TELO2: variants seen among roughly 807,000 people sequenced by gnomAD.
TELO2 encodes telomere length regulation protein TEL2 homolog.
TELO2 carries 71 observed loss-of-function variants against 91.0 expected under a neutral mutation model. That is an observed-to-expected ratio of 0.78 (90% CI 0.64 to 0.95). The LOEUF (loss-of-function observed/expected upper bound fraction) is 0.95, where lower values mean the gene tolerates loss of function less well. TELO2 is among the 40% of genes least tolerant of loss of function. The pLI is 0.00. For synonymous variants in TELO2, 584 were observed against 518.9 expected, an observed-to-expected ratio of 1.13 and a Z score of -1.71; for missense variants, 1,183 against 1,141.3, an observed-to-expected ratio of 1.04 and a Z score of -0.53.
chr16:1,506,061 C>A (rs907854478), intron 16 of TELO2, among the ~76,000 whole-genome samples, 177 bp from the exon 17 acceptor site: 1 of 152,200 alleles, frequency 6.6e-6, no homozygotes, highest in South Asian at 2.1e-4. Context: ...GGCCGCGGAG[C>A]CTGAGTCCCG....
Position 1,495,501 on chromosome 16 carries a change from C to T in TELO2, c.491C>T (p.Pro164Leu), listed in dbSNP as rs553962493. 6.2e-7 allele frequency: 1 copy of T among 1,611,100 alleles called. No individual in the cohort carries two copies. The highest frequency in any genetic ancestry group is 8.5e-7 in the Non-Finnish European group (1 of 1,179,838). Reference protein sequence around the residue: ...ETLLGKVVALPDHLGNRLQQE... With the variant: ...ETLLGKVVALLDHLGNRLQQE... ...CTGCTGGGCAAGGTGGTGGCCCTGC[C>T]CGATCACCTGGGCAACCGCCTGCAG... Residue 164 changes from proline to leucine, a missense_variant, in exon 3 of 21, where the codon CCC (proline) becomes CTC (leucine). Pro to Leu is a moderately conservative substitution (Grantham distance 98). Transcript: ENST00000262319.
intron 20 of TELO2, 48 bp downstream of exon 20, chr16:1,507,764 G>T (rs1374408719): frequency 2.2e-6 from 3 of 1,385,854 alleles, no homozygotes; most frequent in Non-Finnish European, 2.8e-6. Flanking sequence ...TCGGCCCGGG[G>T]TGTGTGTGTA....
rs116528933 is a variant in TELO2, at chr16:1,502,117, G to A, written c.1543G>A (p.Val515Ile). The A allele has an allele frequency of 1.8e-5, 29 of 1,612,882 alleles. No individual in the cohort carries two copies. The highest frequency in any genetic ancestry group is 3.3e-5 in the Admixed American group (2 of 60,004). Reference sequence around the variant, plus strand: ...GAAGAGCAGCAAGGCTCCTGCCTACGTCCGGGACTGCGTGGAAGGTGGGCA... The same window carrying A: ...GAAGAGCAGCAAGGCTCCTGCCTACATCCGGGACTGCGTGGAAGGTGGGCA... ...ELKSSKAPAY[V>I]RDCVEALTTS... The change falls in exon 12 of 21, where the codon GTC (valine) becomes ATC (isoleucine). Residue 515 changes from valine to isoleucine, a missense_variant. Coordinates refer to ENST00000262319, the MANE Select transcript of TELO2 (RefSeq NM_016111.4).
chr16:1,504,386 A>G (rs1236458226), intron 15 of TELO2, among the ~76,000 whole-genome samples: 1 of 125,278 alleles, frequency 8.0e-6, no homozygotes, highest in Non-Finnish European at 1.6e-5. Flanking sequence ...GTGAGTCAAG[A>G]TGGCGCCACT....
rs538749481 is a variant in TELO2, at chr16:1,505,760, C to T, written c.2034+159C>T. 2.0e-5 allele frequency among the ~76,000 whole-genome samples: 3 copies of T among 152,328 alleles called. No homozygotes were observed. The highest frequency in any genetic ancestry group is 4.4e-5 in the Non-Finnish European group (3 of 68,020). On this transcript the variant is annotated intron_variant, in intron 16 of 20. Transcript: ENST00000262319. This position sits in a 1 kb window ranked among gnomAD's most constrained non-coding sequence, Gnocchi z 4.3. The stretch of plus-strand genomic sequence containing the variant: ...CCTGAAAGGCAGGGTCCATGGTTTG[C>T]ACCGAGGAACTGGATTTTGGCTGTA...
rs917751687 is a variant in TELO2, at chr16:1,505,354, T to C, written c.1843-56T>C. 11 of 1,556,654 alleles carry C rather than the reference T, an allele frequency of 7.1e-6. No individual in the cohort carries two copies. The African/African-American group carries it at 1.1e-4, about 15-fold the overall frequency. On this transcript the variant is annotated intron_variant, in intron 15 of 20. Coordinates refer to ENST00000262319, the MANE Select transcript of TELO2 (RefSeq NM_016111.4). This position sits in a 1 kb window ranked among gnomAD's most constrained non-coding sequence, Gnocchi z 4.3. ...CTGGGGCTTTGGCTGACTTGACTCT[T>C]GGGAAATGTTCTTCCCTGGAGCAGT...
chr16:1,500,544 G>T lies in TELO2; in HGVS notation c.1145-19G>T. The stretch of plus-strand genomic sequence containing the variant: ...TCGGGCGCCCCGAGGTGCTCAGGGG[G>T]CCTGTCCGGTGCTTGCAGAACTGCT... On this transcript the variant is annotated intron_variant, in intron 8 of 20. Coordinates refer to ENST00000262319, the MANE Select transcript of TELO2 (RefSeq NM_016111.4). 6.2e-7 allele frequency: 1 copy of T among 1,611,096 alleles called. No individual in the cohort carries two copies. Among genetic ancestry groups the T allele is most frequent in the African/African-American group, 1.3e-5 (1 of 75,038 alleles).
Position 1,501,684 on chromosome 16 carries a change from GGCAGAGCCCCCT to G in TELO2, c.1390_1401del (p.Pro464_Glu467del). 6.2e-7 allele frequency: 1 copy of G among 1,610,278 alleles called. No individual in the cohort carries two copies. The highest frequency in any genetic ancestry group is 8.5e-7 in the Non-Finnish European group (1 of 1,178,780). ...AAAGCACGTCCCTCGTTCCAGCCAC[GGCAGAGCCCCCT>G]GCAGAGACCCCCGCAGAGATCGTGG... On this transcript the variant is annotated inframe_deletion, in exon 11 of 21. Transcript: ENST00000262319.
At chr16:1,495,745 G>A in intron 3 of TELO2, 122 bp downstream of exon 3, 1 of 1,359,250 alleles carries the variant, frequency 7.4e-7, no homozygotes, top group South Asian at 1.4e-5. Context: ...CCGTCAGGCA[G>A]GTGGGGATGT....
intron 3 of TELO2, among the ~76,000 whole-genome samples, chr16:1,496,636 G>A (rs570136729): frequency 7.9e-5 from 12 of 152,304 alleles, no homozygotes; most frequent in South Asian, 4.1e-4. Context: ...CCTGGAGTGC[G>A]CTCCTTCCCT....
At chr16:1,501,388 C>T (rs781124497) in intron 9 of TELO2, 32 bp from the exon 10 acceptor site, 6 of 1,602,732 alleles carry the variant, frequency 3.7e-6, no homozygotes, top group East Asian at 2.3e-5. Flanking sequence ...TGCAGCCTGG[C>T]GGATGCCGCT....
At position 1,499,371 on chromosome 16, in the gene TELO2, C is replaced by T. The variant is rs755123206; in HGVS notation, c.933+38C>T. 7.5e-5 allele frequency: 121 copies of T among 1,603,124 alleles called. No individual in the cohort carries two copies. In the Admixed American group the frequency reaches 2.0e-3, roughly 26 times the overall value. ...CGGAGGGTGCAGGCTGCTGGCTGCC[C>T]CATCACAGCAAGAATGGCTGCAAAA... On this transcript the variant is annotated intron_variant, in intron 6 of 20. Transcript: ENST00000262319.
At chr16:1,504,896 T>C (rs1834014862) in intron 15 of TELO2, among the ~76,000 whole-genome samples, 1 of 152,026 alleles carries the variant, frequency 6.6e-6, no homozygotes, top group Non-Finnish European at 1.5e-5. Context: ...TCCCAGAGCG[T>C]CCTTATCACC....
rs559461456 is a variant in TELO2, at chr16:1,506,071, G to A, written c.2035-167G>A. On this transcript the variant is annotated intron_variant, in intron 16 of 20. Transcript: ENST00000262319. ...GCATTGGCCGCGGAGCCTGAGTCCC[G>A]TCACCAACCCCATGGGGCCTGGGAG... Among the ~76,000 whole-genome samples the A allele has an allele frequency of 1.6e-4, 24 of 152,350 alleles. No individual in the cohort carries two copies. In the South Asian group the frequency reaches 4.6e-3, roughly 29 times the overall value.
chr16:1,508,807 G>A (rs1257667952), intron 20 of TELO2, among the ~76,000 whole-genome samples: 2 of 152,214 alleles, frequency 1.3e-5, no homozygotes, highest in African/African-American at 4.8e-5. Context: ...CACGGGAAGG[G>A]CAGGCCCAGC....
chr16:1,499,176 C>T, intron 5 of TELO2, 55 bp from the exon 6 acceptor site: 1 of 1,589,198 alleles, frequency 6.3e-7, no homozygotes, highest in Non-Finnish European at 8.6e-7. Flanking sequence ...CACGCTCTCG[C>T]TCCTCCCTGT....
At chr16:1,507,457 G>T in intron 19 of TELO2, 87 bp downstream of exon 19, 2 of 1,548,244 alleles carry the variant, frequency 1.3e-6, no homozygotes, top group African/African-American at 1.4e-5. Context: ...CCTCGAGGTG[G>T]CTGACAGGCA....
chr16:1,509,569 T>C (rs1356066975), intron 20 of TELO2, among the ~76,000 whole-genome samples: 1 of 152,220 alleles, frequency 6.6e-6, no homozygotes, highest in East Asian at 1.9e-4. Flanking sequence ...TCCCCGGTTG[T>C]GCGCCCCACC....
intron 19 of TELO2, 66 bp from the exon 20 acceptor site, chr16:1,507,535 C>A: frequency 1.3e-6 from 2 of 1,508,412 alleles, no homozygotes; most frequent in Non-Finnish European, 1.8e-6. Context: ...GTCTGCCACA[C>A]TGAGGGGAGT....
Sources: allele counts gnomAD v4.1 joint callset (sites outside exome capture counted in the v4.1 genomes callset), GRCh38; gene constraint gnomAD v4.1.1; non-coding constraint Gnocchi (gnomAD v3.1); transcripts MANE v1.5; gene names NCBI Gene and HGNC (gene_info 2026-07-23, HGNC 2026-07-21).